Variants in MED27 observed in about 807,000 individuals in gnomAD.
MED27 encodes mediator complex subunit 27.
In MED27, 30 loss-of-function variants were observed where a neutral mutation model predicts 38.2. The ratio of observed to expected loss-of-function variants is 0.79; its 90% CI spans 0.59 to 1.07. The LOEUF is 1.07. Ranked by LOEUF, MED27 falls within the 50% of genes least tolerant of loss-of-function variation. The pLI, the probability that MED27 is intolerant of heterozygous loss-of-function variation, is 0.00. For synonymous variants in MED27, 122 were observed against 153.5 expected (o/e 0.79, Z 1.52); for missense variants, 289 against 397.5 (o/e 0.73, Z 2.32).
intron 3 of MED27, among the ~76,000 whole-genome samples, chr9:131,965,863 C>T (rs1831327614): frequency 6.6e-6 from 1 of 151,924 alleles, no homozygotes; most frequent in Non-Finnish European, 1.5e-5. Flanking sequence ...ACCTGTATCA[C>T]CACCACCACC....
rs2131442576 is a variant in MED27 at position 131,860,476 on chromosome 9, T to C, written c.*62A>G. On this transcript the variant is annotated 3_prime_UTR_variant, in exon 8 of 8. Coordinates refer to ENST00000292035, the MANE Select transcript of MED27 (RefSeq NM_004269.4). This position sits in a 1 kb window ranked among gnomAD's most constrained non-coding sequence, Gnocchi z 5.8. ...AGTGAGGAACCAGCTGAGCCTTCTG[T>C]GGGCTTCCTGCGTGTCTGGGAAGGT... 1 of 1,460,860 alleles carries C rather than the reference T, an allele frequency of 6.8e-7. No individual in the cohort carries two copies. 90.5% of individuals were successfully genotyped at this position (1,460,860 alleles called of 1,614,324 possible).
At chr9:131,891,983 A>C (rs1839236909) in intron 5 of MED27, among the ~76,000 whole-genome samples, 1 of 152,180 alleles carries the variant, frequency 6.6e-6, no homozygotes, top group East Asian at 1.9e-4. Flanking sequence ...ACTGTTAACC[A>C]AGATAAGGAA....
chr9:131,930,811 G>C (rs569563230), intron 4 of MED27, among the ~76,000 whole-genome samples: 5 of 152,308 alleles, frequency 3.3e-5, no homozygotes, highest in Non-Finnish European at 7.3e-5. Context: ...TCAAGATATA[G>C]GTAGTACAAT....
intron 3 of MED27, among the ~76,000 whole-genome samples, chr9:131,949,181 C>T (rs969935046): frequency 6.6e-6 from 1 of 152,066 alleles, no homozygotes; most frequent in Non-Finnish European, 1.5e-5. Context: ...TTTTGAGTGC[C>T]TACTCCTCAA....
chr9:131,946,032 TA>T (rs1170502136), intron 3 of MED27, among the ~76,000 whole-genome samples: 1 of 152,008 alleles, frequency 6.6e-6, no homozygotes, highest in Non-Finnish European at 1.5e-5. Flanking sequence ...TTATTTTATT[TA>T]ATATAATGTC....
chr9:132,011,347 T>TAAAAA, intron 3 of MED27, among the ~76,000 whole-genome samples: 1 of 152,232 alleles, frequency 6.6e-6, no homozygotes, highest in Non-Finnish European at 1.5e-5. Context: ...ACATTATTTT[T>TAAAAA]TAATGTTTTT....
intron 2 of MED27, among the ~76,000 whole-genome samples, chr9:132,040,061 A>T (rs1833173851): frequency 6.6e-6 from 1 of 152,236 alleles, no homozygotes; most frequent in Non-Finnish European, 1.5e-5. Flanking sequence ...TTACGATATG[A>T]TAAATTTCAC....
At chr9:131,910,138 A>G (rs547973970) in intron 4 of MED27, among the ~76,000 whole-genome samples, 1 of 152,206 alleles carries the variant, frequency 6.6e-6, no homozygotes, top group African/African-American at 2.4e-5. Flanking sequence ...TATTCCTACA[A>G]GCATTATTCA....
chr9:131,879,246 G>C (rs1838992588), intron 6 of MED27, among the ~76,000 whole-genome samples: 2 of 152,208 alleles, frequency 1.3e-5, no homozygotes, highest in Admixed American at 1.3e-4. Flanking sequence ...GTGAGTGTTA[G>C]CTTGGTTTGG....
At chr9:131,947,512 G>C (rs1232980336) in intron 3 of MED27, among the ~76,000 whole-genome samples, 2 of 152,170 alleles carry the variant, frequency 1.3e-5, no homozygotes, top group Admixed American at 1.3e-4. Context: ...ATACTAAAAT[G>C]ATCACAAAAC....
intron 2 of MED27, among the ~76,000 whole-genome samples, chr9:132,021,932 C>T (rs1316840682): frequency 2.0e-5 from 3 of 152,174 alleles, no homozygotes; most frequent in African/African-American, 7.2e-5. Context: ...GCAACTTGAC[C>T]TTGGACTTTC....
chr9:131,927,677 C>A (rs1830506940), intron 4 of MED27, among the ~76,000 whole-genome samples: 1 of 152,138 alleles, frequency 6.6e-6, no homozygotes, highest in Admixed American at 6.5e-5. Context: ...TCTGATTGGC[C>A]CCGAAGCCCT....
intron 3 of MED27, among the ~76,000 whole-genome samples, chr9:131,944,095 T>G (rs1303797270): frequency 6.6e-6 from 1 of 152,188 alleles, no homozygotes; most frequent in Non-Finnish European, 1.5e-5. Flanking sequence ...ACATCTCCGC[T>G]GCATCAGAAA....
chr9:131,908,015 C>T (rs1181596817), intron 4 of MED27, among the ~76,000 whole-genome samples: 20 of 149,636 alleles, frequency 1.3e-4, no homozygotes, highest in African/African-American at 3.4e-4. Flanking sequence ...GGAGCCCCTC[C>T]GCCCGGCAGC....
intron 4 of MED27, among the ~76,000 whole-genome samples, chr9:131,923,979 T>C (rs7047055): frequency 0.44 from 66,362 of 152,142 alleles, 15,660 homozygotes; most frequent in Middle Eastern, 0.58. Flanking sequence ...AAAAAAGTGA[T>C]GTGGCTCCAT....
intron 3 of MED27, among the ~76,000 whole-genome samples, chr9:132,004,786 C>T (rs1445655855): frequency 1.3e-5 from 2 of 152,196 alleles, no homozygotes; most frequent in Non-Finnish European, 2.9e-5. Context: ...AACGCACGTC[C>T]AGAACATGCT....
chr9:131,973,746 T>C (rs1304484712), intron 3 of MED27, among the ~76,000 whole-genome samples: 1 of 152,146 alleles, frequency 6.6e-6, no homozygotes, highest in South Asian at 2.1e-4. Context: ...CTTGCTCTGT[T>C]GCCCAGGCTG....
intron 2 of MED27, among the ~76,000 whole-genome samples, chr9:132,047,210 G>A (rs543667295): frequency 2.6e-5 from 4 of 152,094 alleles, no homozygotes; most frequent in Admixed American, 6.5e-5. Flanking sequence ...AAATAACCAC[G>A]TGGAATGTGA....
At chr9:132,029,292 T>G (rs781557095) in intron 2 of MED27, among the ~76,000 whole-genome samples, 3 of 152,356 alleles carry the variant, frequency 2.0e-5, no homozygotes, top group Middle Eastern at 3.4e-3. Context: ...TTCAAATAGT[T>G]AAATTTTCAA....
Sources: gnomAD v4.1 joint callset for allele counts (sites outside exome capture counted in the v4.1 genomes callset) on GRCh38, gnomAD v4.1.1 for gene constraint, Gnocchi (gnomAD v3.1) non-coding constraint, MANE v1.5 for transcripts, NCBI Gene and HGNC (gene_info 2026-07-23, HGNC 2026-07-21) for gene names.